The following OXR1 variants were observed in gnomAD, a reference collection of about 807,000 sequenced individuals.
OXR1 encodes the protein oxidation resistance protein 1.
In OXR1, 41 loss-of-function variants were observed where a neutral mutation model predicts 104.6. That is an observed-to-expected ratio of 0.39 (90% confidence interval 0.31 to 0.51). OXR1 has a LOEUF of 0.51. Ranked by LOEUF, OXR1 falls within the 20% of genes least tolerant of loss-of-function variation. OXR1 has a pLI of 0.77. For missense variants in OXR1, 955 were observed against 1,031.9 expected (o/e 0.93, Z 1.02); for synonymous variants, 348 against 348.4 (o/e 1.00, Z 0.01).
chr8:106,331,181 G>A (rs1260767145), intron 1 of OXR1, among the ~76,000 whole-genome samples: 1 of 152,024 alleles, frequency 6.6e-6, no homozygotes, highest in East Asian at 1.9e-4. Flanking sequence ...AAATATTTAG[G>A]TTCATTTTAT....
At chr8:106,670,578 A>G (rs1029674891) in intron 3 of OXR1, among the ~76,000 whole-genome samples, 1 of 152,196 alleles carries the variant, frequency 6.6e-6, no homozygotes, top group African/African-American at 2.4e-5. Context: ...TGAGAAAGAA[A>G]AATGGATATT....
chr8:106,420,410 A>G lies in OXR1; in HGVS notation c.23+60774A>G, dbSNP rs1818857776. ...TACTCTACTAGTAGTTTTATTTTTA[A>G]TTTCAGTTCCAATTTTACAGTTACT... On this transcript the variant is annotated intron_variant, in intron 2 of 16. Coordinates refer to ENST00000517566, the MANE Select transcript of OXR1 (RefSeq NM_001198533.2). Among the ~76,000 whole-genome samples, 3 of 151,808 alleles carry G rather than the reference A, an allele frequency of 2.0e-5. No homozygotes were observed. In the South Asian group the frequency reaches 6.2e-4, roughly 31 times the overall value.
chr8:106,433,969 A>G (rs148459028), intron 2 of OXR1, among the ~76,000 whole-genome samples: 1 of 152,214 alleles, frequency 6.6e-6, no homozygotes, highest in African/African-American at 2.4e-5. Flanking sequence ...CGTTTAAATT[A>G]TTTTTTGCTT....
chr8:106,348,961 C>T (rs1410925793), intron 1 of OXR1, among the ~76,000 whole-genome samples: 2 of 152,104 alleles, frequency 1.3e-5, no homozygotes, highest in African/African-American at 4.8e-5. Flanking sequence ...AGTGCTTTCC[C>T]TTAATAAAAT....
Position 106,706,561 on chromosome 8 carries a change from T to C in OXR1, c.1040T>C (p.Ile347Thr), listed in dbSNP as rs755734433. The part of the protein sequence containing the change: ...DVFTESELSP[I>T]REELVSSDEL... ...TTCACAGAATCAGAACTTTCCCCTATACGAGAGGAGCTTGTATCTTCAGAT... is the reference window on the plus strand; with the variant it reads ...TTCACAGAATCAGAACTTTCCCCTACACGAGAGGAGCTTGTATCTTCAGAT... Residue 347 changes from isoleucine to threonine, a missense_variant, in exon 9 of 17, where the codon ATA (isoleucine) becomes ACA (threonine). Ile to Thr is a moderately conservative substitution (Grantham distance 89). Around this residue, in one of 2 missense-constraint regions of OXR1, gnomAD observed 849 missense variants for 852.9 expected, o/e 1.00. Transcript: ENST00000517566. The C allele has an allele frequency of 2.2e-5, 36 of 1,611,534 alleles. No individual in the cohort carries two copies. The highest frequency in any genetic ancestry group is 2.7e-5 in the Non-Finnish European group (32 of 1,179,376).
At chr8:106,294,021 A>T (rs1423614647) in intron 1 of OXR1, among the ~76,000 whole-genome samples, 2 of 139,350 alleles carry the variant, frequency 1.4e-5, no homozygotes, top group African/African-American at 5.6e-5. Context: ...TGAGGAAAAC[A>T]TTTTTTTTTA....
At chr8:106,368,271 G>C (rs995465939) in intron 2 of OXR1, among the ~76,000 whole-genome samples, 2 of 151,778 alleles carry the variant, frequency 1.3e-5, no homozygotes, top group African/African-American at 4.8e-5. Context: ...AAAAAGAAAA[G>C]ATACCAAGGT....
intron 2 of OXR1, among the ~76,000 whole-genome samples, chr8:106,488,533 A>C (rs1810850633): frequency 6.6e-6 from 1 of 152,142 alleles, no homozygotes; most frequent in South Asian, 2.1e-4. Context: ...CCTAGATTTT[A>C]TTCTAGGGAT....
At chr8:106,349,590 G>T (rs1230193050) in intron 1 of OXR1, among the ~76,000 whole-genome samples, 1 of 152,106 alleles carries the variant, frequency 6.6e-6, no homozygotes, top group Non-Finnish European at 1.5e-5. Context: ...CAACTCCATA[G>T]ATTAAAATTT....
chr8:106,749,637 A>G (rs1053638691), intron 16 of OXR1, among the ~76,000 whole-genome samples: 10 of 152,156 alleles, frequency 6.6e-5, no homozygotes, highest in African/African-American at 2.4e-4. Context: ...TCAATGAAAT[A>G]TAACTGCCCA....
At chr8:106,656,235 G>A (rs1050654695) in intron 3 of OXR1, 2 of 152,226 alleles carry the variant, frequency 1.3e-5, no homozygotes, top group African/African-American at 4.8e-5. Context: ...TAGACTGACT[G>A]ACTGGTTTAT....
chr8:106,432,218 A>C, intron 2 of OXR1, among the ~76,000 whole-genome samples: 1 of 152,170 alleles, frequency 6.6e-6, no homozygotes. Flanking sequence ...CATCAGTGCA[A>C]CACTACTCCA....
intron 2 of OXR1, among the ~76,000 whole-genome samples, chr8:106,417,629 G>T (rs1818732470): frequency 6.6e-6 from 1 of 152,084 alleles, no homozygotes; most frequent in Non-Finnish European, 1.5e-5. Flanking sequence ...ACTTTTCACA[G>T]AAAAATGTCT....
chr8:106,287,103 G>A (rs1343713224), intron 1 of OXR1, among the ~76,000 whole-genome samples: 1 of 152,100 alleles, frequency 6.6e-6, no homozygotes, highest in Non-Finnish European at 1.5e-5. Flanking sequence ...TAATAAAAAT[G>A]AGCATTTCAA....
At chr8:106,377,127 A>C (rs1265577051) in intron 2 of OXR1, among the ~76,000 whole-genome samples, 1 of 152,194 alleles carries the variant, frequency 6.6e-6, no homozygotes, top group Non-Finnish European at 1.5e-5. Flanking sequence ...TTGGAAAACA[A>C]TAGTTCAAAC....
In OXR1 at chr8:106,282,793, T is replaced by C. The variant is rs140373027; in HGVS notation, c.-139+12426T>C. On this transcript the variant is annotated intron_variant, in intron 1 of 16. Coordinates refer to ENST00000517566, the MANE Select transcript of OXR1 (RefSeq NM_001198533.2). ...GCAGAGATGGAAGAAAATTCACTTA[T>C]AAATGGGCCCATACAGTTCAAACCT... 2.6e-3 allele frequency among the ~76,000 whole-genome samples: 399 copies of C among 152,268 alleles called. 2 individuals carry two copies. The highest frequency in any genetic ancestry group is 8.4e-3 in the African/African-American group (347 of 41,554).
chr8:106,476,651 T>G (rs548876595), intron 2 of OXR1, among the ~76,000 whole-genome samples: 1 of 151,938 alleles, frequency 6.6e-6, no homozygotes, highest in Non-Finnish European at 1.5e-5. Context: ...CAGATATCCT[T>G]TCTCTAGTGA....
intron 1 of OXR1, among the ~76,000 whole-genome samples, chr8:106,320,612 C>T (rs1313856572): frequency 6.6e-6 from 1 of 151,860 alleles, no homozygotes; most frequent in Non-Finnish European, 1.5e-5. Context: ...TAAAATTACC[C>T]TGTGTTTTTA....
At chr8:106,327,150 C>T (rs566614008) in intron 1 of OXR1, among the ~76,000 whole-genome samples, 5 of 151,928 alleles carry the variant, frequency 3.3e-5, no homozygotes, top group East Asian at 1.9e-4. Context: ...GTTTGAATGC[C>T]GAACCTCCAA....
Sources: gnomAD v4.1 joint callset for allele counts (sites outside exome capture counted in the v4.1 genomes callset) on GRCh38, gnomAD v4.1.1 for gene constraint, gnomAD v4.1.1 regional missense constraint, MANE v1.5 for transcripts, NCBI Gene and HGNC (gene_info 2026-07-23, HGNC 2026-07-21) for gene names.